The following CEP128 variants were observed in gnomAD, a reference collection of about 807,000 sequenced individuals.
The protein encoded by CEP128 is centrosomal protein 128.
Under a neutral mutation model 156.7 loss-of-function variants are expected in CEP128, and 132 were observed. That is an observed-to-expected ratio of 0.84 (90% confidence interval 0.73 to 0.97). The LOEUF is 0.97. CEP128 is among the 50% of genes least tolerant of loss of function. The pLI, the probability that CEP128 is intolerant of heterozygous loss-of-function variation, is 0.00. For missense variants in CEP128, 1,252 were observed against 1,281.9 expected (o/e 0.98, Z 0.36); for synonymous variants, 469 against 448.9 (o/e 1.04, Z -0.57).
intron 19 of CEP128, among the ~76,000 whole-genome samples, chr14:80,588,035 T>C (rs986558358): frequency 1.2e-4 from 18 of 152,250 alleles, no homozygotes; most frequent in Admixed American, 8.5e-4. Flanking sequence ...TCACCTCTTC[T>C]TTACAGAAGC....
chr14:80,868,872 C>T (rs1887898388), intron 8 of CEP128, among the ~76,000 whole-genome samples: 2 of 152,078 alleles, frequency 1.3e-5, no homozygotes, highest in African/African-American at 2.4e-5. Context: ...AGAGAAAATA[C>T]ACTATAAGTC....
chr14:80,628,923 T>C (rs1210441299), intron 19 of CEP128, among the ~76,000 whole-genome samples: 1 of 152,088 alleles, frequency 6.6e-6, no homozygotes, highest in Non-Finnish European at 1.5e-5. Context: ...GGCTGACAGA[T>C]GGTGGGGTAA....
intron 2 of CEP128, among the ~76,000 whole-genome samples, chr14:80,933,505 C>T (rs1885602352): frequency 6.6e-6 from 1 of 152,108 alleles, no homozygotes; most frequent in South Asian, 2.1e-4. Flanking sequence ...AACTGTGAGC[C>T]TCTGCCAGCT....
intron 19 of CEP128, among the ~76,000 whole-genome samples, chr14:80,616,484 C>T (rs1203615863): frequency 6.6e-6 from 1 of 152,142 alleles, no homozygotes; most frequent in Non-Finnish European, 1.5e-5. Flanking sequence ...GACTTCAGAA[C>T]CTGCACTTTT....
chr14:80,573,024 G>A (rs1231059616), intron 20 of CEP128, among the ~76,000 whole-genome samples: 1 of 152,100 alleles, frequency 6.6e-6, no homozygotes, highest in Admixed American at 6.5e-5. Flanking sequence ...TCAGGTTCAA[G>A]CGATTCTCCT....
chr14:80,957,465 AC>A (rs1301150892), intron 2 of CEP128, among the ~76,000 whole-genome samples: 1,191 of 112,098 alleles, frequency 0.011, 18 homozygotes, highest in African/African-American at 0.051. Flanking sequence ...CTCAGAAAAA[AC>A]AAAAAAAAAA....
chr14:80,543,594 C>A (rs1889859324), intron 21 of CEP128, among the ~76,000 whole-genome samples: 1 of 152,128 alleles, frequency 6.6e-6, no homozygotes, highest in Non-Finnish European at 1.5e-5. Context: ...AAAAATGGAT[C>A]ATGAAAACCA....
chr14:80,488,675 A>T (rs1483937053), downstream of CEP128, among the ~76,000 whole-genome samples: 1 of 152,200 alleles, frequency 6.6e-6, no homozygotes, highest in Non-Finnish European at 1.5e-5. Context: ...CTATAAAGAC[A>T]CATGCACACG....
intron 19 of CEP128, among the ~76,000 whole-genome samples, chr14:80,678,049 A>AAAAATATAT: frequency 0.09 from 8,826 of 98,408 alleles, 476 homozygotes; most frequent in South Asian, 0.27. Context: ...ATAAAAAAAA[A>AAAAATATAT]ATATATATAT....
chr14:80,872,627 A>C (rs1888084050), intron 8 of CEP128, among the ~76,000 whole-genome samples: 1 of 152,226 alleles, frequency 6.6e-6, no homozygotes, highest in South Asian at 2.1e-4. Context: ...ACAATATTTA[A>C]GTTTGCCACA....
intron 15 of CEP128, among the ~76,000 whole-genome samples, chr14:80,781,237 T>C (rs940064627): frequency 1.3e-5 from 2 of 151,956 alleles, no homozygotes; most frequent in Admixed American, 1.3e-4. Flanking sequence ...GTGGGGGGGA[T>C]CATGAGGTCA....
chr14:80,956,328 T>C (rs1886682598), intron 2 of CEP128, among the ~76,000 whole-genome samples: 1 of 152,242 alleles, frequency 6.6e-6, no homozygotes, highest in Non-Finnish European at 1.5e-5. Context: ...GACAAAGGTT[T>C]AAGCAGGGGC....
rs1023143406 is a variant in CEP128 at position 80,563,584 on chromosome 14, AGTGCAGTGGCACAAT to A, written c.2857-4297_2857-4283del. The stretch of plus-strand genomic sequence containing the variant: ...ATCTCACTCTTGTCGCCCAGGCTGG[AGTGCAGTGGCACAAT>A]CTCGGCTCACTGCAACCTCCACCTC... On this transcript the variant is annotated intron_variant, in intron 20 of 24. Coordinates refer to ENST00000555265, the MANE Select transcript of CEP128 (RefSeq NM_152446.5). 2.6e-5 allele frequency among the ~76,000 whole-genome samples: 3 copies of A among 117,480 alleles called. No homozygotes were observed. In the Admixed American group the frequency reaches 3.8e-4, roughly 15 times the overall value. The allele number at this position is 117,480 out of a possible 152,430, so 77.1% of individuals were successfully genotyped here.
rs1159139132 is a variant in CEP128 at position 80,656,291 on chromosome 14, TTATATATA to T, written c.2807-75876_2807-75869del. 9.6e-3 allele frequency among the ~76,000 whole-genome samples: 247 copies of T among 25,624 alleles called. 3 individuals are homozygous for T. The highest frequency in any genetic ancestry group is 0.042 in the East Asian group (27 of 644). The allele number at this position is 25,624 out of a possible 152,430, so 16.8% of individuals were successfully genotyped here. A position where few individuals can be genotyped will look rare whatever the true frequency, so the allele number is the denominator to read the frequency against. ...CCTAAGTTTTTATTTATATATATAT[TTATATATA>T]TATATATATATATATATATATATAT... On this transcript the variant is annotated intron_variant, in intron 19 of 24. Coordinates refer to ENST00000555265, the MANE Select transcript of CEP128 (RefSeq NM_152446.5).
intron 18 of CEP128, among the ~76,000 whole-genome samples, chr14:80,749,701 A>G (rs935240636): frequency 5.9e-5 from 9 of 152,196 alleles, no homozygotes; most frequent in African/African-American, 2.2e-4. Context: ...CTAGTATTTG[A>G]TAGTACAACA....
intron 19 of CEP128, among the ~76,000 whole-genome samples, chr14:80,737,297 G>C (rs558852802): frequency 6.6e-6 from 1 of 151,726 alleles, no homozygotes; most frequent in African/African-American, 2.4e-5. Flanking sequence ...CCAGCTACTC[G>C]GGAGGCTGAG....
At chr14:80,713,625 A>G (rs566536469) in intron 19 of CEP128, among the ~76,000 whole-genome samples, 1 of 152,272 alleles carries the variant, frequency 6.6e-6, no homozygotes, top group South Asian at 2.1e-4. Flanking sequence ...GGACTGTAGC[A>G]TATTCTAAGA....
intron 13 of CEP128, among the ~76,000 whole-genome samples, chr14:80,803,264 A>C (rs1248065452): frequency 6.6e-6 from 1 of 152,044 alleles, no homozygotes; most frequent in African/African-American, 2.4e-5. Flanking sequence ...TATGCTGCCT[A>C]GTATATGCTA....
Position 80,522,996 on chromosome 14 carries a change from T to C in CEP128, c.3072+3873A>G, listed in dbSNP as rs369591994. 5.3e-5 allele frequency among the ~76,000 whole-genome samples: 8 copies of C among 152,372 alleles called. No individual in the cohort carries two copies. The East Asian group carries it at 1.5e-3, about 29-fold the overall frequency. On this transcript the variant is annotated intron_variant, in intron 23 of 24. Transcript: ENST00000555265. Reference sequence around the variant, plus strand: ...CCTGCTCAAAATCTTGACAGGCTTCTAGAAAGCTGATCCTTTTTGTCCTGG... The same window carrying C: ...CCTGCTCAAAATCTTGACAGGCTTCCAGAAAGCTGATCCTTTTTGTCCTGG...
Sources: allele counts gnomAD v4.1 joint callset (sites outside exome capture counted in the v4.1 genomes callset), GRCh38; gene constraint gnomAD v4.1.1; transcripts MANE v1.5; gene names NCBI Gene and HGNC (gene_info 2026-07-23, HGNC 2026-07-21).